The following HSD3B1 variants were observed in gnomAD, a reference collection of about 807,000 sequenced individuals.
The protein encoded by HSD3B1 is 3 beta-hydroxysteroid dehydrogenase/Delta 5-->4-isomerase type 1.
HSD3B1 carries 11 observed loss-of-function variants against 10.4 expected under a neutral mutation model. The ratio of observed to expected loss-of-function variants is 1.05; its 90% CI spans 0.66 to 1.75. The LOEUF (loss-of-function observed/expected upper bound fraction) is 1.75. Among genes scored for constraint, HSD3B1 ranks in the 40% most tolerant of loss-of-function variants. The probability of loss-of-function intolerance (pLI) is 0.00; values close to 1 mark genes in which losing one functional copy is unlikely to be tolerated. For synonymous variants in HSD3B1, 217 were observed against 185.4 expected (o/e 1.17, Z -1.39); for missense variants, 490 against 454.5 (o/e 1.08, Z -0.71).
intron 3 of HSD3B1, among the ~76,000 whole-genome samples, chr1:119,513,020 G>C (rs990922817): frequency 6.6e-6 from 1 of 152,174 alleles, no homozygotes; most frequent in Non-Finnish European, 1.5e-5. Context: ...GCTCAGGGGA[G>C]GCTGCAAGGT....
Position 119,514,682 on chromosome 1 carries a change from A to C in HSD3B1, c.*37A>C, listed in dbSNP as rs1461072356. ...CAGAGATGTGCATGTGGGTATTGTT[A>C]GGAGATGTCATCAAGCTCCACCCTC... On this transcript the variant is annotated 3_prime_UTR_variant, in exon 4 of 4. Coordinates refer to ENST00000369413, the MANE Select transcript of HSD3B1 (RefSeq NM_000862.3). 6.2e-7 allele frequency: 1 copy of C among 1,603,924 alleles called. No individual in the cohort carries two copies. The highest frequency in any genetic ancestry group is 1.7e-5 in the Admixed American group (1 of 58,834).
chr1:119,510,712 G>GT (rs1265546430), intron 2 of HSD3B1, among the ~76,000 whole-genome samples: 2 of 39,056 alleles, frequency 5.1e-5, no homozygotes, highest in African/African-American at 5.9e-5. Flanking sequence ...TGCTTGTGTG[G>GT]TTTTCTTTTT....
chr1:119,507,887 A>C, intron 2 of HSD3B1: 1 of 375,676 alleles, frequency 2.7e-6, no homozygotes, highest in African/African-American at 2.1e-5. Context: ...TTTTCTTCTC[A>C]TCTAGAAAAT....
At chr1:119,511,783 C>T in intron 3 of HSD3B1, 116 bp downstream of exon 3, 1 of 952,046 alleles carries the variant, frequency 1.1e-6, no homozygotes, top group African/African-American at 1.6e-5. Context: ...GGCCAAGTGC[C>T]TTTGCTGATC....
rs943497863 is a variant in HSD3B1 at position 119,513,761 on chromosome 1, C to A, written c.311-73C>A. 2.8e-6 allele frequency: 4 copies of A among 1,415,234 alleles called. No homozygotes were observed. In the Admixed American group the frequency reaches 5.3e-5, roughly 19 times the overall value. 87.7% of individuals were successfully genotyped at this position (1,415,234 alleles called of 1,614,324 possible). On this transcript the variant is annotated intron_variant, in intron 3 of 3. Coordinates refer to ENST00000369413, the MANE Select transcript of HSD3B1 (RefSeq NM_000862.3). ...ATATTTGGGAGTGGGGGGTGGGGCACATAGATCTGTGTTCGTGGTTGGCAC... is the reference window on the plus strand; with the variant it reads ...ATATTTGGGAGTGGGGGGTGGGGCAAATAGATCTGTGTTCGTGGTTGGCAC...
intron 2 of HSD3B1, among the ~76,000 whole-genome samples, chr1:119,509,400 C>T (rs1653876373): frequency 6.6e-6 from 1 of 152,170 alleles, no homozygotes. Flanking sequence ...AGAAGGGAGC[C>T]ATGACTTCAT....
At chr1:119,512,487 G>A (rs1653964982) in intron 3 of HSD3B1, among the ~76,000 whole-genome samples, 1 of 151,708 alleles carries the variant, frequency 6.6e-6, no homozygotes, top group Non-Finnish European at 1.5e-5. Context: ...CAGCACCATA[G>A]CACCCCAAAC....
intron 2 of HSD3B1, among the ~76,000 whole-genome samples, chr1:119,509,701 T>C (rs749409883): frequency 6.6e-6 from 1 of 151,998 alleles, no homozygotes; most frequent in Non-Finnish European, 1.5e-5. Flanking sequence ...AGGTTGGGAG[T>C]AGACAAAACA....
intron 2 of HSD3B1, among the ~76,000 whole-genome samples, chr1:119,508,526 A>G (rs587733454): frequency 6.6e-6 from 1 of 152,358 alleles, no homozygotes; most frequent in Non-Finnish European, 1.5e-5. Flanking sequence ...AAGGTCCGGA[A>G]TCACAAAGCA....
rs1420135912 is a variant in HSD3B1 at position 119,515,023 on chromosome 1, A to G, written c.*378A>G. 1 of 231,804 alleles carries G rather than the reference A, an allele frequency of 4.3e-6. No individual in the cohort carries two copies. The highest frequency in any genetic ancestry group is 2.3e-5 in the African/African-American group (1 of 43,478). 14.4% of individuals were successfully genotyped at this position (231,804 alleles called of 1,614,324 possible). On this transcript the variant is annotated 3_prime_UTR_variant, in exon 4 of 4. Coordinates refer to ENST00000369413, the MANE Select transcript of HSD3B1 (RefSeq NM_000862.3). ...ATCTTCCATTCCTTCACATAGTTTG[A>G]TAAAAAGATCAATAAATGTTTGAAT...
intron 3 of HSD3B1, 58 bp from the exon 4 acceptor site, chr1:119,513,776 G>C (rs976203133): frequency 2.0e-6 from 3 of 1,531,292 alleles, no homozygotes; most frequent in African/African-American, 1.4e-5. Context: ...ATCTGTGTTC[G>C]TGGTTGGCAC....
At position 119,511,536 on chromosome 1, in the gene HSD3B1, A is replaced by T. The variant is rs149251252; in HGVS notation, c.179A>T (p.Glu60Val). The T allele has an allele frequency of 6.2e-7, 1 of 1,613,838 alleles. No individual in the cohort carries two copies. Among genetic ancestry groups the T allele is most frequent in the Non-Finnish European group, 8.5e-7 (1 of 1,179,798 alleles). The change falls in exon 3 of 4, where the codon GAA becomes GTA. Residue 60 changes from glutamate to valine, a missense_variant. Physicochemically the swap from Glu to Val is moderately radical, Grantham distance 121 (BLOSUM62 -2). Coordinates refer to ENST00000369413, the MANE Select transcript of HSD3B1 (RefSeq NM_000862.3). ...LQNKTKLTVL[E>V]GDILDEPFLK... is the part of the protein sequence containing the mutation. ...AACAAGACCAAGCTGACAGTGCTGGAAGGAGACATTCTGGATGAGCCATTC... is the reference window on the plus strand; with the variant it reads ...AACAAGACCAAGCTGACAGTGCTGGTAGGAGACATTCTGGATGAGCCATTC...
intron 3 of HSD3B1, chr1:119,511,987 T>C: frequency 3.3e-6 from 1 of 301,458 alleles, no homozygotes; most frequent in Non-Finnish European, 6.3e-6. Flanking sequence ...CTACTGTGGT[T>C]CCAATCAAAA....
chr1:119,507,520 TG>T lies in HSD3B1; in HGVS notation c.47del (p.Gly16AspfsTer9). On this transcript the variant is annotated frameshift_variant, in exon 2 of 4. Transcript: ENST00000369413. LOFTEE classifies it high-confidence loss of function. ...SCLVTGAGGFLGQRIIRLLVK... is the reference protein window; with the variant it reads ...SCLVTGAGGFXGQRIIRLLVK... Reference sequence around the variant, plus strand: ...CTTGTGACAGGAGCAGGAGGGTTTCTGGGACAGAGGATCATCCGCCTCTTGG... The same window carrying T: ...CTTGTGACAGGAGCAGGAGGGTTTCTGGACAGAGGATCATCCGCCTCTTGG... 1 of 1,613,972 alleles carries T rather than the reference TG, an allele frequency of 6.2e-7. No homozygotes were observed. The highest frequency in any genetic ancestry group is 1.3e-5 in the African/African-American group (1 of 75,032).
chr1:119,513,706 A>G, intron 3 of HSD3B1, 128 bp from the exon 4 acceptor site: 1 of 875,292 alleles, frequency 1.1e-6, no homozygotes, highest in Non-Finnish European at 1.8e-6. Context: ...GAACCACAGA[A>G]GAATGTACCC....
At position 119,511,561 on chromosome 1, in the gene HSD3B1, C is replaced by A. The variant is rs767214134; in HGVS notation, c.204C>A (p.Phe68Leu). Residue 68 changes from phenylalanine (F) to leucine (L), a missense_variant, in exon 3 of 4, where the codon TTC becomes TTA. Coordinates refer to ENST00000369413, the MANE Select transcript of HSD3B1 (RefSeq NM_000862.3). Reference protein sequence around the residue: ...VLEGDILDEPFLKRACQDVSV... With the variant: ...VLEGDILDEPLLKRACQDVSV... Reference sequence around the variant, plus strand: ...AAGGAGACATTCTGGATGAGCCATTCCTGAAGAGAGCCTGCCAGGACGTCT... The same window carrying A: ...AAGGAGACATTCTGGATGAGCCATTACTGAAGAGAGCCTGCCAGGACGTCT... 4 of 1,613,684 alleles carry A rather than the reference C, an allele frequency of 2.5e-6. No homozygotes were observed. In the South Asian group the frequency reaches 3.3e-5, roughly 13 times the overall value.
rs1653811307 is a variant in HSD3B1, at chr1:119,507,263, G to T, written c.-86+1G>T. 5.4e-6 allele frequency: 3 copies of T among 551,286 alleles called. No individual in the cohort carries two copies. Among genetic ancestry groups the T allele is most frequent in the Non-Finnish European group, 9.8e-6 (3 of 306,854 alleles). The allele number at this position is 551,286 out of a possible 1,614,324, so 34.1% of individuals were successfully genotyped here. On this transcript the variant is annotated splice_donor_variant, in intron 1 of 3. Coordinates refer to ENST00000369413, the MANE Select transcript of HSD3B1 (RefSeq NM_000862.3). LOFTEE classifies it low-confidence loss of function (5UTR_SPLICE). The stretch of plus-strand genomic sequence containing the variant: ...CCAGCTTTTAACAATCTAACTAATG[G>T]TTAGAGATTTTTCATTTTCTTTCAG...
intron 2 of HSD3B1, among the ~76,000 whole-genome samples, chr1:119,510,574 C>T (rs1293831971): frequency 6.6e-6 from 1 of 152,036 alleles, no homozygotes; most frequent in African/African-American, 2.4e-5. Context: ...GAAACTTTGG[C>T]ACAGACATTC....
At chr1:119,511,399 C>T (rs1287388636) in intron 2 of HSD3B1, 104 bp from the exon 3 acceptor site, 6 of 1,128,388 alleles carry the variant, frequency 5.3e-6, no homozygotes, top group Non-Finnish European at 8.0e-6. Flanking sequence ...ACTCTAACAC[C>T]CTACTCTAAC....
Sources: gnomAD v4.1 joint callset for allele counts (sites outside exome capture counted in the v4.1 genomes callset) on GRCh38, gnomAD v4.1.1 for gene constraint, MANE v1.5 for transcripts, NCBI Gene and HGNC (gene_info 2026-07-23, HGNC 2026-07-21) for gene names.